Variants in COL21A1 observed in about 807,000 individuals in gnomAD.
COL21A1 encodes collagen type XXI alpha 1 chain, also known as collagen alpha-1(XXI) chain.
A neutral mutation model predicts 137.9 loss-of-function variants in COL21A1; 149 were observed. That is an observed-to-expected ratio of 1.08 (90% confidence interval 0.95 to 1.24). The LOEUF is 1.24. COL21A1 is among the 50% of genes most tolerant of loss of function. The pLI, the probability that COL21A1 is intolerant of heterozygous loss-of-function variation, is 0.00. For synonymous variants in COL21A1, 456 were observed against 391.5 expected (o/e 1.16, Z -1.95); for missense variants, 1,167 against 1,158.4 (o/e 1.01, Z -0.11).
intron 1 of COL21A1, among the ~76,000 whole-genome samples, chr6:56,210,052 A>G (rs1780059624): frequency 1.3e-5 from 2 of 152,046 alleles, no homozygotes; most frequent in Non-Finnish European, 2.9e-5. Flanking sequence ...GTAGGAGTTG[A>G]ACAATGAGAG....
intron 1 of COL21A1, among the ~76,000 whole-genome samples, chr6:56,188,694 G>T (rs1178973768): frequency 6.6e-6 from 1 of 152,216 alleles, no homozygotes; most frequent in Non-Finnish European, 1.5e-5. Flanking sequence ...TGGGTCCCCA[G>T]TAGGGACCGA....
chr6:56,269,654 CAAAAAAAAAAAA>C (rs70986792), intron 1 of COL21A1, among the ~76,000 whole-genome samples: 18 of 64,050 alleles, frequency 2.8e-4, no homozygotes, highest in African/African-American at 1.1e-3. Flanking sequence ...GACTCCGTCT[CAAAAAAAAAAAA>C]AAAAAAAAAA....
intron 1 of COL21A1, among the ~76,000 whole-genome samples, chr6:56,231,342 G>A (rs1442679259): frequency 6.6e-6 from 1 of 151,866 alleles, no homozygotes; most frequent in African/African-American, 2.4e-5. Flanking sequence ...ATTATATTCA[G>A]TTCGGTAACA....
At chr6:56,281,975 TA>T (rs58469070) in intron 1 of COL21A1, among the ~76,000 whole-genome samples, 2,631 of 152,290 alleles carry the variant, frequency 0.017, 29 homozygotes, top group South Asian at 0.024. Context: ...CAATACCAAA[TA>T]AACTTTGCTG....
intron 1 of COL21A1, among the ~76,000 whole-genome samples, chr6:56,220,590 A>T (rs1780767285): frequency 6.6e-6 from 1 of 152,160 alleles, no homozygotes; most frequent in East Asian, 1.9e-4. Context: ...ATTCACTCAT[A>T]ACAGAGTCGG....
At chr6:56,163,436 C>T (rs77639706) in intron 9 of COL21A1, among the ~76,000 whole-genome samples, 10,156 of 152,234 alleles carry the variant, frequency 0.067, 400 homozygotes, top group Admixed American at 0.11. Flanking sequence ...ATTTGCTGGG[C>T]GCGGTGGCTC....
intron 12 of COL21A1, 69 bp downstream of exon 12, chr6:56,141,716 A>G (rs1774422756): frequency 1.1e-5 from 17 of 1,508,874 alleles, no homozygotes; most frequent in Admixed American, 1.7e-5. Context: ...TTGAATGGAA[A>G]CCATCACAGC....
intron 25 of COL21A1, 47 bp downstream of exon 25, chr6:56,061,601 AG>A: frequency 7.3e-7 from 1 of 1,372,550 alleles, no homozygotes. Flanking sequence ...CCAAGCAAAA[AG>A]GACCGAAGAA....
chr6:56,191,245 C>G (rs1778652650), intron 1 of COL21A1, among the ~76,000 whole-genome samples: 1 of 152,160 alleles, frequency 6.6e-6, no homozygotes, highest in African/African-American at 2.4e-5. Flanking sequence ...CTGGTAAGCA[C>G]TTCAGCAAAG....
chr6:56,147,544 AAACAGGCC>A (rs1187344623), intron 10 of COL21A1, among the ~76,000 whole-genome samples: 2 of 152,024 alleles, frequency 1.3e-5, no homozygotes, highest in African/African-American at 4.8e-5. Flanking sequence ...CTAATAGTAG[AAACAGGCC>A]TACATTCACA....
At chr6:56,190,458 CA>C (rs1778587873) in intron 1 of COL21A1, among the ~76,000 whole-genome samples, 1 of 152,076 alleles carries the variant, frequency 6.6e-6, no homozygotes, top group Admixed American at 6.6e-5. Context: ...AATAGCCTAC[CA>C]ACCAAAAAAG....
chr6:56,350,881 C>T (rs1331647290), intron 1 of COL21A1, among the ~76,000 whole-genome samples: 2 of 152,200 alleles, frequency 1.3e-5, no homozygotes, highest in Non-Finnish European at 2.9e-5. Flanking sequence ...CGGAGGTCCC[C>T]GTTTCTGTCA....
intron 1 of COL21A1, among the ~76,000 whole-genome samples, chr6:56,357,552 A>AT (rs1003673225): frequency 6.6e-6 from 1 of 152,136 alleles, no homozygotes; most frequent in African/African-American, 2.4e-5. Flanking sequence ...ATTCCATAAC[A>AT]TTTTTCACCA....
intron 1 of COL21A1, among the ~76,000 whole-genome samples, chr6:56,338,197 C>T (rs1358832512): frequency 2.0e-5 from 3 of 152,016 alleles, no homozygotes; most frequent in Non-Finnish European, 4.4e-5. Context: ...AACTCCTGTC[C>T]TCATGATCTG....
At chr6:56,260,712 GCA>G (rs749625130) in intron 1 of COL21A1, among the ~76,000 whole-genome samples, 52,072 of 147,640 alleles carry the variant, frequency 0.35, 10,930 homozygotes, top group African/African-American at 0.52. Context: ...AGGCAGGCAG[GCA>G]GGAAGGGAGG....
At chr6:56,094,549 C>G (rs1769151483) in intron 17 of COL21A1, among the ~76,000 whole-genome samples, 1 of 152,142 alleles carries the variant, frequency 6.6e-6, no homozygotes, top group Non-Finnish European at 1.5e-5. Context: ...CTTACAGCCT[C>G]TATACATTAC....
chr6:56,367,973 C>G (rs1379835276), intron 1 of COL21A1, among the ~76,000 whole-genome samples: 1 of 152,180 alleles, frequency 6.6e-6, no homozygotes, highest in Non-Finnish European at 1.5e-5. Context: ...CTTGGCCTCC[C>G]AAAGTGCTGG....
chr6:56,174,478 T>C (rs1777303672), intron 3 of COL21A1, among the ~76,000 whole-genome samples: 1 of 151,854 alleles, frequency 6.6e-6, no homozygotes, highest in African/African-American at 2.4e-5. Flanking sequence ...AGAAGAGATA[T>C]TACAATTGAT....
Position 56,169,882 on chromosome 6 carries a change from C to G in COL21A1, c.1026+767G>C, listed in dbSNP as rs1194432651. Among the ~76,000 whole-genome samples the G allele has an allele frequency of 6.6e-5, 10 of 151,846 alleles. 1 individual carries two copies. The highest frequency in any genetic ancestry group is 1.3e-4 in the Non-Finnish European group (9 of 67,826). ...GTCATTTCTTACAGAATCTGGCACA[C>G]TGGCTTTAATGAAGACAGCAAATAA... On this transcript the variant is annotated intron_variant, in intron 5 of 29. Coordinates refer to ENST00000244728, the MANE Select transcript of COL21A1 (RefSeq NM_030820.4).
Sources: allele counts gnomAD v4.1 joint callset (sites outside exome capture counted in the v4.1 genomes callset), GRCh38; gene constraint gnomAD v4.1.1; transcripts MANE v1.5; gene names NCBI Gene and HGNC (gene_info 2026-07-23, HGNC 2026-07-21).